The following ELOA variants were observed in gnomAD, a reference collection of about 807,000 sequenced individuals.
The protein encoded by ELOA is elongin A, also known as elongin-A.
In ELOA, 15 loss-of-function variants were observed where a neutral mutation model predicts 85.2. The ratio of observed to expected loss-of-function variants is 0.18; its 90% CI spans 0.12 to 0.27. The LOEUF (loss-of-function observed/expected upper bound fraction) is 0.27, where lower values mean the gene tolerates loss of function less well. ELOA is among the 10% of genes least tolerant of loss of function. ELOA has a pLI of 1.00. For missense variants in ELOA, 769 were observed against 952.7 expected (o/e 0.81, Z 2.54); for synonymous variants, 348 against 357.2 (o/e 0.97, Z 0.29).
At chr1:23,745,613 G>T (rs1447814381) in intron 1 of ELOA, among the ~76,000 whole-genome samples, 1 of 151,830 alleles carries the variant, frequency 6.6e-6, no homozygotes, top group Non-Finnish European at 1.5e-5. Flanking sequence ...ATGAGAAAAT[G>T]TTGGGAGATC....
At chr1:23,755,810 T>A (rs759100960) in intron 7 of ELOA, 33 bp from the exon 8 acceptor site, 34 of 1,553,886 alleles carry the variant, frequency 2.2e-5, no homozygotes, top group Non-Finnish European at 2.9e-5. Flanking sequence ...GAAAAGTGCT[T>A]GTACACAAAT....
chr1:23,751,660 A>G lies in ELOA; in HGVS notation c.1055A>G (p.Lys352Arg). ...KQGLDSFDTG[K>R]GAGDLLPKVK... is the part of the protein sequence containing the mutation. Reference sequence around the variant, plus strand: ...GGTCTGGACAGCTTTGACACAGGAAAAGGAGCAGGAGACCTGTTGCCCAAG... The same window carrying G: ...GGTCTGGACAGCTTTGACACAGGAAGAGGAGCAGGAGACCTGTTGCCCAAG... The change falls in exon 4 of 11, where the codon AAA becomes AGA. Residue 352 changes from lysine (K) to arginine (R), a missense_variant. Transcript: ENST00000613537. 1 of 1,614,216 alleles carries G rather than the reference A, an allele frequency of 6.2e-7. No homozygotes were observed. The highest frequency in any genetic ancestry group is 8.5e-7 in the Non-Finnish European group (1 of 1,180,036).
rs372006856 is a variant in ELOA at position 23,755,926 on chromosome 1, G to A, written c.1875G>A (p.Ser625=). Residue 625 remains serine, a synonymous_variant, in exon 8 of 11, where the codon TCG becomes TCA. Coordinates refer to ENST00000613537, the MANE Select transcript of ELOA (RefSeq NM_003198.3). ...AAGAAAGACCCGAAGAGTATGAGTCGTGGCGAGAGATGTACCTGCGGCTTC... is the reference window on the plus strand; with the variant it reads ...AAGAAAGACCCGAAGAGTATGAGTCATGGCGAGAGATGTACCTGCGGCTTC... ...FKEERPEEYE[S]WREMYLRLQD... is the part of the protein sequence containing the mutation. The A allele has an allele frequency of 9.2e-5, 149 of 1,613,742 alleles. No individual in the cohort carries two copies. Among genetic ancestry groups the A allele is most frequent in the East Asian group, 4.5e-4 (20 of 44,866 alleles).
At chr1:23,759,296 A>G (rs905535651) in intron 10 of ELOA, among the ~76,000 whole-genome samples, 1 of 152,254 alleles carries the variant, frequency 6.6e-6, no homozygotes, top group African/African-American at 2.4e-5. Context: ...AGGTGGTTAG[A>G]GAGAGTGGTG....
intron 1 of ELOA, 110 bp downstream of exon 1, chr1:23,743,688 C>A: frequency 2.4e-6 from 3 of 1,264,312 alleles, no homozygotes; most frequent in Non-Finnish European, 2.0e-6. Context: ...TGAGCCAGGC[C>A]CCGCGGGGCT....
chr1:23,749,189 C>T, intron 2 of ELOA, 112 bp downstream of exon 2: 3 of 869,230 alleles, frequency 3.5e-6, no homozygotes, highest in South Asian at 3.0e-5. Context: ...AGAAACCAGA[C>T]ACAAAAGGCC....
rs550252 is a variant in ELOA at position 23,752,450 on chromosome 1, C to G, written c.1469C>G (p.Ala490Gly). The G allele has an allele frequency of 3.7e-6, 6 of 1,614,098 alleles. No individual in the cohort carries two copies. The highest frequency in any genetic ancestry group is 5.1e-6 in the Non-Finnish European group (6 of 1,180,000). Residue 490 changes from alanine to glycine, a missense_variant, in exon 5 of 11, where the codon GCG becomes GGG. Coordinates refer to ENST00000613537, the MANE Select transcript of ELOA (RefSeq NM_003198.3). The part of the protein sequence containing the change: ...LPVLPDLPLP[A>G]IQANYRPLPS... ...GTGTTGCCAGACCTCCCGTTACCCG[C>G]GATACAGGCCAATTACCGTCCACTG...
Position 23,758,982 on chromosome 1 carries a change from G to T in ELOA, c.2258-530G>T, listed in dbSNP as rs115695725. On this transcript the variant is annotated intron_variant, in intron 10 of 10. Transcript: ENST00000613537. ...AGCACTTTGGGAGGCTGGGGTAGGAGGGTGCTTGAGCCCAGGAGATCGAGA... is the reference window on the plus strand; with the variant it reads ...AGCACTTTGGGAGGCTGGGGTAGGATGGTGCTTGAGCCCAGGAGATCGAGA... 6.7e-3 allele frequency among the ~76,000 whole-genome samples: 1,027 copies of T among 152,286 alleles called. 9 individuals are homozygous for T. Among genetic ancestry groups the T allele is most frequent in the African/African-American group, 0.023 (952 of 41,542 alleles).
chr1:23,750,237 G>A (rs866971317), intron 3 of ELOA, among the ~76,000 whole-genome samples: 2 of 145,064 alleles, frequency 1.4e-5, no homozygotes, highest in South Asian at 2.2e-4. Flanking sequence ...GTGCAGTGGC[G>A]TGATCTCGGC....
At chr1:23,749,760 C>T in intron 2 of ELOA, 82 bp from the exon 3 acceptor site, 2 of 1,215,894 alleles carry the variant, frequency 1.6e-6, no homozygotes, top group Non-Finnish European at 2.3e-6. Context: ...TGTTGAGTTT[C>T]TCAAAGTAGA....
Position 23,749,896 on chromosome 1 carries a change from A to T in ELOA, c.187A>T (p.Ser63Cys), listed in dbSNP as rs1437702791. Residue 63 changes from serine (S) to cysteine (C), a missense_variant, in exon 3 of 11, where the codon AGC (serine) becomes TGC (cysteine). Ser to Cys is a moderately radical substitution (Grantham distance 112). This residue lies in a region of ELOA where 440 missense variants were observed against 474.0 expected (regional missense o/e 0.93). Coordinates refer to ENST00000613537, the MANE Select transcript of ELOA (RefSeq NM_003198.3). The part of the protein sequence containing the change: ...NSLRKHEHVG[S>C]FARDLVAQWK... ...CTTGCGAAAACACGAGCATGTTGGA[A>T]GCTTTGCCAGGGACCTAGTGGCCCA... 6.2e-7 allele frequency: 1 copy of T among 1,614,022 alleles called. No individual in the cohort carries two copies. Among genetic ancestry groups the T allele is most frequent in the Admixed American group, 1.7e-5 (1 of 60,018 alleles).
Position 23,759,685 on chromosome 1 carries a change from G to T in ELOA, c.*112G>T. The T allele has an allele frequency of 7.7e-7, 1 of 1,298,312 alleles. No individual in the cohort carries two copies. The highest frequency in any genetic ancestry group is 1.2e-5 in the South Asian group (1 of 80,118). The allele number at this position is 1,298,312 out of a possible 1,614,324, so 80.4% of individuals were successfully genotyped here. A position where few individuals can be genotyped will look rare whatever the true frequency, so the allele number is the denominator to read the frequency against. On this transcript the variant is annotated 3_prime_UTR_variant, in exon 11 of 11. Coordinates refer to ENST00000613537, the MANE Select transcript of ELOA (RefSeq NM_003198.3). ...GGAGTCTTGCTTTGTGGATCCTTTT[G>T]GTCTCCGAGTCCTGCAGTCTGCAGG... is the stretch of plus-strand genomic sequence containing the variant.
At position 23,749,096 on chromosome 1, in the gene ELOA, T is replaced by C. The variant is rs1026132231; in HGVS notation, c.132+19T>C. The C allele has an allele frequency of 5.7e-6, 9 of 1,588,414 alleles. No individual in the cohort carries two copies. Among genetic ancestry groups the C allele is most frequent in the Non-Finnish European group, 7.8e-6 (9 of 1,157,226 alleles). ...TCTTGCGGTAAGAACTGTGTGACTT[T>C]AAATATTATATAATGATATCCCATT... On this transcript the variant is annotated intron_variant, in intron 2 of 10. Coordinates refer to ENST00000613537, the MANE Select transcript of ELOA (RefSeq NM_003198.3).
At position 23,758,257 on chromosome 1, in the gene ELOA, TTA is replaced by T. The variant is rs1416112255; in HGVS notation, c.2257+1134_2257+1135del. 7.0e-3 allele frequency among the ~76,000 whole-genome samples: 471 copies of T among 67,220 alleles called. 51 individuals are homozygous for T. The highest frequency in any genetic ancestry group is 8.8e-3 in the African/African-American group (95 of 10,794). The allele number at this position is 67,220 out of a possible 152,430, so 44.1% of individuals were successfully genotyped here. ...TAATTGGGTCTTCCAATTTATTTAT[TTA>T]TTTTTTTTTTTTTTTTTTTTTTTTT... On this transcript the variant is annotated intron_variant, in intron 10 of 10. Transcript: ENST00000613537.
At chr1:23,748,915 AATACTT>A (rs1199417632) in intron 1 of ELOA, 100 bp from the exon 2 acceptor site, 1 of 829,980 alleles carries the variant, frequency 1.2e-6, no homozygotes, top group Non-Finnish European at 2.0e-6. Flanking sequence ...AAATAGGCAT[AATACTT>A]ATACTCATTA....
intron 2 of ELOA, 149 bp from the exon 3 acceptor site, chr1:23,749,693 C>A: frequency 3.0e-6 from 2 of 655,992 alleles, no homozygotes; most frequent in Non-Finnish European, 5.1e-6. Flanking sequence ...GGGGCATAGA[C>A]ACAAAGTAAT....
intron 10 of ELOA, 117 bp from the exon 11 acceptor site, chr1:23,759,395 A>G: frequency 1.1e-6 from 1 of 938,668 alleles, no homozygotes; most frequent in South Asian, 1.4e-5. Flanking sequence ...TACTACTTGT[A>G]TCTCTGCCTG....
At chr1:23,747,520 A>G (rs1644752355) in intron 1 of ELOA, among the ~76,000 whole-genome samples, 1 of 152,118 alleles carries the variant, frequency 6.6e-6, no homozygotes, top group Non-Finnish European at 1.5e-5. Context: ...TTCCCAACCT[A>G]CCCCTTCCAA....
intron 5 of ELOA, among the ~76,000 whole-genome samples, 191 bp downstream of exon 5, chr1:23,752,709 G>C (rs914359188): frequency 2.0e-5 from 3 of 152,064 alleles, no homozygotes; most frequent in Non-Finnish European, 2.9e-5. Flanking sequence ...TTGGGAGGCC[G>C]AGGCGGGCAG....
Sources: gnomAD v4.1 joint callset for allele counts (sites outside exome capture counted in the v4.1 genomes callset) on GRCh38, gnomAD v4.1.1 for gene constraint, gnomAD v4.1.1 regional missense constraint, MANE v1.5 for transcripts, NCBI Gene and HGNC (gene_info 2026-07-23, HGNC 2026-07-21) for gene names.